Variants in ELAVL4 observed in about 807,000 individuals in gnomAD.
ELAVL4 encodes the protein ELAV-like protein 4.
In ELAVL4, 1 loss-of-function variant was observed where a neutral mutation model predicts 35.6. The ratio of observed to expected loss-of-function variants is 0.03; its 90% CI spans 0.01 to 0.13. The LOEUF is 0.13. ELAVL4 is among the 10% of genes least tolerant of loss of function. The pLI, the probability that ELAVL4 is intolerant of heterozygous loss-of-function variation, is 1.00. For missense variants in ELAVL4, 267 were observed against 464.9 expected (o/e 0.57, Z 3.91); for synonymous variants, 156 against 171.0 (o/e 0.91, Z 0.69).
intron 1 of ELAVL4, among the ~76,000 whole-genome samples, chr1:50,119,764 T>C (rs1668707628): frequency 6.6e-6 from 1 of 151,966 alleles, no homozygotes; most frequent in Non-Finnish European, 1.5e-5. Context: ...AGCATAGTTC[T>C]GCTTGTAACA....
chr1:50,079,350 G>C (rs1664909062), intron 1 of ELAVL4, among the ~76,000 whole-genome samples: 1 of 152,222 alleles, frequency 6.6e-6, no homozygotes, highest in South Asian at 2.1e-4. Context: ...CAGGGGAAGA[G>C]AAGGGAAGGA....
intron 1 of ELAVL4, among the ~76,000 whole-genome samples, chr1:50,139,778 A>G (rs1672509284): frequency 1.3e-5 from 2 of 152,074 alleles, no homozygotes; most frequent in Admixed American, 6.6e-5. Flanking sequence ...TCCCCTCTGC[A>G]GATATAAACG....
At chr1:50,083,129 G>C (rs879520930) in intron 1 of ELAVL4, among the ~76,000 whole-genome samples, 2 of 152,116 alleles carry the variant, frequency 1.3e-5, no homozygotes, top group Non-Finnish European at 2.9e-5. Context: ...TGATCATAAT[G>C]CCCTGTAGCC....
intron 2 of ELAVL4, among the ~76,000 whole-genome samples, chr1:50,146,419 T>C (rs1030686817): frequency 2.6e-5 from 4 of 152,204 alleles, no homozygotes; most frequent in Admixed American, 2.0e-4. Context: ...AGATAATGCT[T>C]GTCTCAAAGG....
chr1:50,180,817 G>A (rs1010237781), intron 3 of ELAVL4: 1 of 152,352 alleles, frequency 6.6e-6, no homozygotes, highest in African/African-American at 2.4e-5. Context: ...GATTCTGCCA[G>A]AAGAGGAGCT....
At chr1:50,133,604 AAAGAAAGAAAGAAAG>A (rs1671281510) in intron 1 of ELAVL4, among the ~76,000 whole-genome samples, 1 of 94,092 alleles carries the variant, frequency 1.1e-5, no homozygotes, top group Non-Finnish European at 2.1e-5. Context: ...GAAAGAAAAG[AAAGAAAGAAAGAAAG>A]AAAGAAAGAA....
In ELAVL4 at chr1:50,108,972, CG is replaced by C; in HGVS notation, c.-213del. The C allele has an allele frequency of 8.0e-7, 1 of 1,253,686 alleles. No individual in the cohort carries two copies. The highest frequency in any genetic ancestry group is 1.0e-6 in the Non-Finnish European group (1 of 999,566). The allele number at this position is 1,253,686 out of a possible 1,614,324, so 77.7% of individuals were successfully genotyped here. On this transcript the variant is annotated 5_prime_UTR_variant, in exon 1 of 7. Coordinates refer to ENST00000371824, the MANE Select transcript of ELAVL4 (RefSeq NM_001144774.3). The stretch of plus-strand genomic sequence containing the variant: ...GTTGTTCTTATCTACATCCTAGAAT[CG>C]GGGGTTTCAGCTCACTGCTCCTTTT...
chr1:50,125,372 CAGTG>C (rs1238133864), intron 1 of ELAVL4, among the ~76,000 whole-genome samples: 2 of 152,000 alleles, frequency 1.3e-5, no homozygotes. Flanking sequence ...TTGTGGCACA[CAGTG>C]AGGCCACAAT....
intron 1 of ELAVL4, among the ~76,000 whole-genome samples, chr1:50,139,159 C>T (rs999009584): frequency 1.4e-4 from 22 of 152,110 alleles, no homozygotes; most frequent in Non-Finnish European, 2.9e-4. Context: ...TTGGCTTGTA[C>T]TTCACAGGGT....
intron 1 of ELAVL4, among the ~76,000 whole-genome samples, chr1:50,052,981 T>C (rs1319781731): frequency 6.6e-6 from 1 of 152,154 alleles, no homozygotes; most frequent in African/African-American, 2.4e-5. Flanking sequence ...TGCTACGGAG[T>C]TCCCAGTTGC....
intron 1 of ELAVL4, among the ~76,000 whole-genome samples, chr1:50,051,925 C>T (rs1308719794): frequency 1.3e-5 from 2 of 152,066 alleles, no homozygotes; most frequent in African/African-American, 4.8e-5. Context: ...GTCTCCTTGG[C>T]TTGTAAAATG....
intron 1 of ELAVL4, among the ~76,000 whole-genome samples, chr1:50,085,804 A>G (rs559381870): frequency 1.2e-3 from 188 of 152,304 alleles, no homozygotes; most frequent in African/African-American, 4.2e-3. Flanking sequence ...CTTTAACCCA[A>G]TATAAAGCTC....
chr1:50,142,992 A>G (rs910560801), intron 1 of ELAVL4, among the ~76,000 whole-genome samples: 16 of 152,236 alleles, frequency 1.1e-4, no homozygotes, highest in Non-Finnish European at 2.9e-5. Flanking sequence ...GTGAAAAGGC[A>G]CAAAAGAGTA....
At chr1:50,084,696 C>G (rs986900042) in intron 1 of ELAVL4, among the ~76,000 whole-genome samples, 1 of 152,048 alleles carries the variant, frequency 6.6e-6, no homozygotes, top group Non-Finnish European at 1.5e-5. Context: ...TTTCCTCTGC[C>G]TCAAACACTC....
In ELAVL4 at chr1:50,162,829, C is replaced by G. The variant is rs113468031; in HGVS notation, c.251-14260C>G. Among the ~76,000 whole-genome samples, 664 of 152,106 alleles carry G rather than the reference C, an allele frequency of 4.4e-3. 6 individuals carry two copies. The highest frequency in any genetic ancestry group is 0.015 in the African/African-American group (632 of 41,344). ...AAACCCTTGACCTCAAGTGATCCAC[C>G]TGCCTTGGCCTCCCAAAGTGCCAGG... On this transcript the variant is annotated intron_variant, in intron 2 of 6. Coordinates refer to ENST00000371824, the MANE Select transcript of ELAVL4 (RefSeq NM_001144774.3).
chr1:50,048,205 C>A (rs1369768813), intron 1 of ELAVL4: 10 of 1,509,424 alleles, frequency 6.6e-6, no homozygotes, highest in Non-Finnish European at 7.1e-6. Context: ...CGGCGCAGGC[C>A]CCGCACCCCC....
intron 1 of ELAVL4, among the ~76,000 whole-genome samples, chr1:50,117,814 T>C (rs1668217058): frequency 6.6e-6 from 1 of 152,080 alleles, no homozygotes. Context: ...CCTCACTGTC[T>C]CCATACTGTC....
At chr1:50,099,560 C>CAAAAAAAA (rs750905424), upstream of ELAVL4, among the ~76,000 whole-genome samples, 1 of 56,310 alleles carries the variant, frequency 1.8e-5, no homozygotes, top group African/African-American at 5.7e-5. Flanking sequence ...AACTCCGCCT[C>CAAAAAAAA]AAAAAAAAAA....
At chr1:50,133,069 C>T (rs1204812997) in intron 1 of ELAVL4, among the ~76,000 whole-genome samples, 1 of 152,128 alleles carries the variant, frequency 6.6e-6, no homozygotes, top group Non-Finnish European at 1.5e-5. Flanking sequence ...TATCAAAAAA[C>T]TGCACAATGA....
Sources: gnomAD v4.1 joint callset for allele counts (sites outside exome capture counted in the v4.1 genomes callset) on GRCh38, gnomAD v4.1.1 for gene constraint, MANE v1.5 for transcripts, NCBI Gene and HGNC (gene_info 2026-07-23, HGNC 2026-07-21) for gene names.